The following ESRRB variants were observed in gnomAD, a reference collection of about 807,000 sequenced individuals.
The protein encoded by ESRRB is estrogen related receptor beta, also known as steroid hormone receptor ERR2.
In ESRRB, 16 loss-of-function variants were observed where a neutral mutation model predicts 46.0. The observed-to-expected ratio is 0.35, with a 90% CI of 0.24 to 0.53. The LOEUF is 0.53. Ranked by LOEUF, ESRRB falls within the 20% of genes least tolerant of loss-of-function variation. ESRRB has a pLI of 0.93. For missense variants in ESRRB, 488 were observed against 607.4 expected, an observed-to-expected ratio of 0.80 and a Z score of 2.07; for synonymous variants, 246 against 259.6, an observed-to-expected ratio of 0.95 and a Z score of 0.50.
chr14:76,359,567 A>G, intron 1 of ESRRB, among the ~76,000 whole-genome samples: 1 of 152,192 alleles, frequency 6.6e-6, no homozygotes, highest in East Asian at 1.9e-4. Context: ...CACAGCCGAT[A>G]CATGGGGGAG....
At chr14:76,464,408 T>G (rs906091746) in intron 3 of ESRRB, among the ~76,000 whole-genome samples, 1 of 152,224 alleles carries the variant, frequency 6.6e-6, no homozygotes, top group Non-Finnish European at 1.5e-5. Flanking sequence ...AAATTGGACC[T>G]TCCACTTCCG....
intron 1 of ESRRB, among the ~76,000 whole-genome samples, chr14:76,391,132 TGCA>T (rs1885452259): frequency 6.6e-6 from 1 of 152,174 alleles, no homozygotes; most frequent in Non-Finnish European, 1.5e-5. Flanking sequence ...TTACATTGGC[TGCA>T]TTGTGGTTTC....
At chr14:76,421,942 C>A (rs1249807812) in intron 1 of ESRRB, among the ~76,000 whole-genome samples, 1 of 152,202 alleles carries the variant, frequency 6.6e-6, no homozygotes, top group Non-Finnish European at 1.5e-5. Context: ...ATGAAGGTTG[C>A]ATCAGTGAGC....
At chr14:76,484,629 G>A (rs974598413) in intron 5 of ESRRB, among the ~76,000 whole-genome samples, 2 of 152,152 alleles carry the variant, frequency 1.3e-5, no homozygotes, top group Non-Finnish European at 2.9e-5. Context: ...GCAACACCAC[G>A]GAGGAAGTAG....
chr14:76,389,490 C>A (rs1885379901), intron 1 of ESRRB, among the ~76,000 whole-genome samples: 1 of 152,170 alleles, frequency 6.6e-6, no homozygotes, highest in African/African-American at 2.4e-5. Flanking sequence ...GGAAAAGAGG[C>A]AGAAAGAAGG....
chr14:76,332,961 A>G (rs1884055886), intron 1 of ESRRB, among the ~76,000 whole-genome samples: 2 of 16,764 alleles, frequency 1.2e-4, no homozygotes, highest in African/African-American at 3.9e-4. Context: ...TATTTACATT[A>G]TATATATTAT....
intron 1 of ESRRB, among the ~76,000 whole-genome samples, chr14:76,327,181 G>T (rs996162768): frequency 9.8e-5 from 15 of 152,346 alleles, no homozygotes; most frequent in Middle Eastern, 3.4e-3. Flanking sequence ...AAGAGGCCTG[G>T]TGTCCTGGTG....
intron 1 of ESRRB, among the ~76,000 whole-genome samples, chr14:76,409,897 G>C (rs557711568): frequency 6.6e-6 from 1 of 152,252 alleles, no homozygotes; most frequent in South Asian, 2.1e-4. Context: ...ATGTCTCATG[G>C]TTTTACCCCA....
chr14:76,455,322 TC>T, intron 2 of ESRRB, among the ~76,000 whole-genome samples: 1 of 152,326 alleles, frequency 6.6e-6, no homozygotes, highest in Non-Finnish European at 1.5e-5. Context: ...AAAACTCTCT[TC>T]TATCATTTAG....
chr14:76,407,562 T>C, intron 1 of ESRRB: 1 of 985,754 alleles, frequency 1.0e-6, no homozygotes, highest in South Asian at 4.7e-5. Flanking sequence ...GATCCAGTGA[T>C]TTGGGAGCTG....
intron 1 of ESRRB, among the ~76,000 whole-genome samples, chr14:76,422,392 T>C (rs1887004811): frequency 6.6e-6 from 1 of 151,804 alleles, no homozygotes. Flanking sequence ...TTTTGTATTT[T>C]AGTAGAGACA....
At chr14:76,491,017 C>A (rs1411764354) in intron 5 of ESRRB, among the ~76,000 whole-genome samples, 1 of 152,130 alleles carries the variant, frequency 6.6e-6, no homozygotes, top group Non-Finnish European at 1.5e-5. Context: ...CAAAGCCTCC[C>A]CTGGTTTGAG....
At chr14:76,358,359 GAA>G (rs1398177884) in intron 1 of ESRRB, among the ~76,000 whole-genome samples, 1 of 51,882 alleles carries the variant, frequency 1.9e-5, no homozygotes, top group Non-Finnish European at 4.1e-5. Context: ...AAGAAAGAAA[GAA>G]AGAAAGAAAG....
At chr14:76,434,388 C>T (rs1237645125) in intron 1 of ESRRB, among the ~76,000 whole-genome samples, 1 of 152,114 alleles carries the variant, frequency 6.6e-6, no homozygotes, top group Non-Finnish European at 1.5e-5. Context: ...GGTGGTGGCC[C>T]ATCCTGTAAT....
intron 2 of ESRRB, among the ~76,000 whole-genome samples, chr14:76,447,447 T>A (rs1888200861): frequency 6.6e-6 from 1 of 152,124 alleles, no homozygotes; most frequent in Admixed American, 6.6e-5. Context: ...CTCATATCCA[T>A]GGCTTCAGTT....
intron 1 of ESRRB, among the ~76,000 whole-genome samples, chr14:76,395,111 G>T (rs1429891034): frequency 1.3e-5 from 2 of 151,614 alleles, no homozygotes; most frequent in East Asian, 3.9e-4. Flanking sequence ...CCGACAGTCA[G>T]CCCCTCGCCC....
intron 2 of ESRRB, 75 bp from the exon 3 acceptor site, chr14:76,462,470 C>A: frequency 8.9e-7 from 1 of 1,126,934 alleles, no homozygotes; most frequent in Non-Finnish European, 1.3e-6. Flanking sequence ...AAATCCCCAT[C>A]CAGCCAGCCC....
chr14:76,487,079 A>T (rs1384993999), intron 5 of ESRRB, among the ~76,000 whole-genome samples: 1 of 152,170 alleles, frequency 6.6e-6, no homozygotes, highest in Non-Finnish European at 1.5e-5. Flanking sequence ...GGCAGATACA[A>T]CCACTGTGTG....
rs1566859727 is a variant in ESRRB at position 76,358,405 on chromosome 14, A to AAGAAAGAT, written c.2+47496_2+47497insTAGAAAGA. 4.4e-4 allele frequency among the ~76,000 whole-genome samples: 62 copies of AAGAAAGAT among 140,478 alleles called. 1 individual carries two copies. Among genetic ancestry groups the AAGAAAGAT allele is most frequent in the South Asian group, 1.2e-3 (5 of 4,180 alleles). 92.2% of individuals were successfully genotyped at this position (140,478 alleles called of 152,430 possible). On this transcript the variant is annotated intron_variant, in intron 1 of 6. Transcript: ENST00000512784. ...AAAGAAAGAAAGAAAGAAAGAAAGA[A>AAGAAAGAT]AGAAAGAAAAGAAAAGAAAAAGAAA...
Sources: gnomAD v4.1 joint callset for allele counts (sites outside exome capture counted in the v4.1 genomes callset) on GRCh38, gnomAD v4.1.1 for gene constraint, MANE v1.5 for transcripts, NCBI Gene and HGNC (gene_info 2026-07-23, HGNC 2026-07-21) for gene names.